Variants in RAD18 observed in about 807,000 individuals in gnomAD.
The protein encoded by RAD18 is RAD18 E3 ubiquitin protein ligase.
In RAD18, 47 loss-of-function variants were observed where a neutral mutation model predicts 60.4. The ratio of observed to expected loss-of-function variants is 0.78; its 90% CI spans 0.62 to 0.99. RAD18 has a LOEUF of 0.99. Among genes scored for constraint, RAD18 ranks in the 50% least tolerant of loss-of-function variants. RAD18 has a pLI of 0.00. For missense variants in RAD18, 640 were observed against 593.3 expected (o/e 1.08, Z -0.82); for synonymous variants, 225 against 195.5 (o/e 1.15, Z -1.26).
intron 12 of RAD18, among the ~76,000 whole-genome samples, chr3:8,886,854 G>A (rs1341956217): frequency 6.6e-6 from 1 of 152,236 alleles, no homozygotes; most frequent in African/African-American, 2.4e-5. Flanking sequence ...CAAAGCCACA[G>A]TTGTGGGGTA....
intron 12 of RAD18, among the ~76,000 whole-genome samples, chr3:8,887,171 T>G (rs83626): frequency 0.79 from 119,749 of 152,098 alleles, 47,292 homozygotes; most frequent in South Asian, 0.89. Context: ...CCTTCCTAAA[T>G]CTACTGAATC....
At chr3:8,927,926 G>A (rs112276596) in intron 7 of RAD18, among the ~76,000 whole-genome samples, 20 of 151,604 alleles carry the variant, frequency 1.3e-4, no homozygotes, top group Non-Finnish European at 2.6e-4. Flanking sequence ...GGGGGGAGTG[G>A]GGAGGGATAG....
chr3:8,950,786 G>A (rs563168386), intron 2 of RAD18, among the ~76,000 whole-genome samples: 1 of 152,284 alleles, frequency 6.6e-6, no homozygotes, highest in East Asian at 1.9e-4. Flanking sequence ...TAGACAACAT[G>A]CAAGAACAGA....
intron 2 of RAD18, among the ~76,000 whole-genome samples, chr3:8,950,158 G>A (rs1196284426): frequency 6.6e-6 from 1 of 152,076 alleles, no homozygotes; most frequent in Non-Finnish European, 1.5e-5. Context: ...AGCCTCCCGA[G>A]TAGCTGGGAT....
chr3:8,933,172 A>G (rs1382435103), intron 7 of RAD18, among the ~76,000 whole-genome samples: 1 of 152,114 alleles, frequency 6.6e-6, no homozygotes, highest in Non-Finnish European at 1.5e-5. Context: ...AAAAATCTCA[A>G]AAGTATTATG....
At chr3:8,918,115 C>T (rs2125057360) in intron 7 of RAD18, among the ~76,000 whole-genome samples, 1 of 151,986 alleles carries the variant, frequency 6.6e-6, no homozygotes, top group East Asian at 1.9e-4. Flanking sequence ...GTCAGGAGTT[C>T]GAGACCAGCC....
chr3:8,953,726 G>T (rs1395836438), intron 2 of RAD18, among the ~76,000 whole-genome samples: 2 of 151,920 alleles, frequency 1.3e-5, no homozygotes, highest in East Asian at 3.9e-4. Context: ...GGGAGAGGGG[G>T]CATCTCTAAT....
intron 7 of RAD18, among the ~76,000 whole-genome samples, chr3:8,919,101 T>C (rs1381232815): frequency 6.6e-6 from 1 of 152,222 alleles, no homozygotes; most frequent in African/African-American, 2.4e-5. Flanking sequence ...TGAACCACAG[T>C]GTGGAATATC....
At chr3:8,963,314 C>G (rs750333721) in intron 1 of RAD18, 21 bp downstream of exon 1, 1 of 1,602,830 alleles carries the variant, frequency 6.2e-7, no homozygotes, top group Non-Finnish European at 8.5e-7. Flanking sequence ...CGGGAGCTCC[C>G]AAACTCCCCG....
At chr3:8,924,671 T>A (rs201289754) in intron 7 of RAD18, among the ~76,000 whole-genome samples, 1 of 116,798 alleles carries the variant, frequency 8.6e-6, no homozygotes, top group Admixed American at 9.2e-5. Flanking sequence ...TAAAGCACTC[T>A]TCAGCAAATG....
chr3:8,890,669 A>G (rs658339), intron 11 of RAD18, among the ~76,000 whole-genome samples: 149,036 of 152,272 alleles, frequency 0.98, 72,952 homozygotes, highest in East Asian at 1. Flanking sequence ...AGGCGCTGAA[A>G]AACACTGAGG....
intron 11 of RAD18, among the ~76,000 whole-genome samples, chr3:8,894,888 G>A (rs1043960659): frequency 2.0e-5 from 3 of 150,972 alleles, no homozygotes; most frequent in African/African-American, 7.3e-5. Flanking sequence ...AGCCTCCCGA[G>A]TAGCTGGGAT....
At chr3:8,907,927 C>T (rs1320163793) in intron 9 of RAD18, among the ~76,000 whole-genome samples, 1 of 152,188 alleles carries the variant, frequency 6.6e-6, no homozygotes, top group African/African-American at 2.4e-5. Flanking sequence ...TTCCAGCATT[C>T]GTTCCCTCTT....
intron 2 of RAD18, among the ~76,000 whole-genome samples, chr3:8,951,286 G>C (rs1320420772): frequency 6.6e-6 from 1 of 152,208 alleles, no homozygotes; most frequent in Non-Finnish European, 1.5e-5. Context: ...TACCTACAGA[G>C]AAGCAAAGAA....
intron 12 of RAD18, among the ~76,000 whole-genome samples, chr3:8,887,116 C>T (rs1392448990): frequency 6.6e-6 from 1 of 152,182 alleles, no homozygotes; most frequent in Non-Finnish European, 1.5e-5. Flanking sequence ...ACAGAAGCTG[C>T]CCCAGCTATA....
chr3:8,902,332 TAAATAATG>T, intron 10 of RAD18, 40 bp downstream of exon 10: 3 of 1,418,748 alleles, frequency 2.1e-6, no homozygotes, highest in Non-Finnish European at 1.9e-6. Context: ...ATATTAAAAG[TAAATAATG>T]AAATTCGACA....
chr3:8,932,402 C>T (rs1940576425), intron 7 of RAD18, among the ~76,000 whole-genome samples: 1 of 152,086 alleles, frequency 6.6e-6, no homozygotes, highest in Admixed American at 6.5e-5. Flanking sequence ...ATAAAACTAT[C>T]AAAAGACAGC....
At chr3:8,902,625 C>A in intron 9 of RAD18, 105 bp from the exon 10 acceptor site, 1 of 1,174,670 alleles carries the variant, frequency 8.5e-7, no homozygotes, top group Non-Finnish European at 1.2e-6. Context: ...GGCATGGTGG[C>A]TTACGCCTGT....
intron 11 of RAD18, among the ~76,000 whole-genome samples, chr3:8,894,760 T>C (rs969097048): frequency 1.1e-5 from 1 of 93,838 alleles, no homozygotes; most frequent in East Asian, 3.4e-4. Flanking sequence ...GTTTAAGCGC[T>C]TTTTTTTTTT....
Sources: allele counts gnomAD v4.1 joint callset (sites outside exome capture counted in the v4.1 genomes callset), GRCh38; gene constraint gnomAD v4.1.1; transcripts MANE v1.5; gene names NCBI Gene and HGNC (gene_info 2026-07-23, HGNC 2026-07-21).